Variants in CUX2 observed in about 807,000 individuals in gnomAD.
CUX2 encodes the protein cut like homeobox 2.
A neutral mutation model predicts 144.8 loss-of-function variants in CUX2; 40 were observed. The ratio of observed to expected loss-of-function variants is 0.28; its 90% CI spans 0.21 to 0.36. The LOEUF is 0.36. Ranked by LOEUF, CUX2 falls within the 10% of genes least tolerant of loss-of-function variation. The pLI is 1.00. For missense variants in CUX2, 1,615 were observed against 1,994.0 expected, an observed-to-expected ratio of 0.81 and a Z score of 3.62; for synonymous variants, 827 against 875.6, an observed-to-expected ratio of 0.94 and a Z score of 0.98.
chr12:111,315,158 T>G (rs1297733574), intron 16 of CUX2, among the ~76,000 whole-genome samples: 1 of 152,066 alleles, frequency 6.6e-6, no homozygotes, highest in Non-Finnish European at 1.5e-5. Context: ...AAAAAATGAA[T>G]GCTAAGCAGT....
At chr12:111,207,693 A>G (rs1302958677) in intron 1 of CUX2, among the ~76,000 whole-genome samples, 1 of 152,210 alleles carries the variant, frequency 6.6e-6, no homozygotes, top group Non-Finnish European at 1.5e-5. Flanking sequence ...AAATATTAGT[A>G]TATATGGTGT....
chr12:111,045,721 C>T (rs931690455), intron 1 of CUX2, among the ~76,000 whole-genome samples: 1 of 152,216 alleles, frequency 6.6e-6, no homozygotes, highest in East Asian at 1.9e-4. Flanking sequence ...CTTCAGACCC[C>T]GGTCTTGCCA....
At chr12:111,161,327 G>A (rs912550775) in intron 1 of CUX2, among the ~76,000 whole-genome samples, 2 of 152,174 alleles carry the variant, frequency 1.3e-5, no homozygotes, top group Admixed American at 6.5e-5. Flanking sequence ...GGATCATGAG[G>A]TTGGTTCCCC....
intron 16 of CUX2, among the ~76,000 whole-genome samples, chr12:111,317,465 C>T (rs1236582855): frequency 6.6e-6 from 1 of 152,088 alleles, no homozygotes; most frequent in Non-Finnish European, 1.5e-5. Context: ...CATTCGTTCA[C>T]TCATGTAAAT....
intron 18 of CUX2, among the ~76,000 whole-genome samples, chr12:111,333,034 C>A (rs1592979892): frequency 6.6e-6 from 1 of 152,190 alleles, no homozygotes; most frequent in Non-Finnish European, 1.5e-5. Context: ...ATGGTGGAAC[C>A]CCGTCTCTAC....
intron 1 of CUX2, among the ~76,000 whole-genome samples, chr12:111,199,248 C>T (rs552706931): frequency 2.5e-4 from 38 of 152,212 alleles, no homozygotes; most frequent in Admixed American, 1.8e-3. Flanking sequence ...CGGAGAGGCA[C>T]GCTGACTTGC....
chr12:111,098,838 A>G (rs1480834740), intron 1 of CUX2, among the ~76,000 whole-genome samples: 1 of 152,212 alleles, frequency 6.6e-6, no homozygotes, highest in Non-Finnish European at 1.5e-5. Flanking sequence ...CTGGGTATTC[A>G]TTTATTCATG....
intron 1 of CUX2, among the ~76,000 whole-genome samples, chr12:111,162,202 T>C (rs1052810250): frequency 1.3e-5 from 2 of 152,116 alleles, no homozygotes; most frequent in African/African-American, 4.8e-5. Context: ...CTCTCAGAGG[T>C]GAGAACTGCC....
intron 1 of CUX2, among the ~76,000 whole-genome samples, chr12:111,084,966 T>C (rs1392545995): frequency 6.6e-6 from 1 of 152,220 alleles, no homozygotes; most frequent in Admixed American, 6.5e-5. Context: ...ATCATTCTTT[T>C]ATTCTCTTGG....
intron 1 of CUX2, among the ~76,000 whole-genome samples, chr12:111,123,069 T>C (rs1874790972): frequency 6.6e-6 from 1 of 152,244 alleles, no homozygotes; most frequent in African/African-American, 2.4e-5. Flanking sequence ...CCAGGCCTGC[T>C]GGGCCCCAGG....
intron 4 of CUX2, chr12:111,270,426 GAT>G (rs1884582437): frequency 6.6e-6 from 1 of 151,994 alleles, no homozygotes; most frequent in African/African-American, 2.4e-5. Context: ...AAATCTTTTG[GAT>G]ATTGTTCACA....
At position 111,071,083 on chromosome 12, in the gene CUX2, G is replaced by GTT. The variant is rs774905040; in HGVS notation, c.63+36859_63+36860dup. On this transcript the variant is annotated intron_variant, in intron 1 of 21. Coordinates refer to ENST00000261726, the MANE Select transcript of CUX2 (RefSeq NM_015267.4). ...GGCTGCTGTAAACATCTTTCTCTAG[G>GTT]TTTTTTTTTTTTTTTTTGTGGACAT... 3.5e-3 allele frequency among the ~76,000 whole-genome samples: 466 copies of GTT among 134,202 alleles called. 7 individuals carry two copies. The highest frequency in any genetic ancestry group is 0.011 in the African/African-American group (416 of 36,844). The allele number at this position is 134,202 out of a possible 152,430, so 88.0% of individuals were successfully genotyped here.
At chr12:111,345,216 A>G (rs28403936) in intron 21 of CUX2, among the ~76,000 whole-genome samples, 54,605 of 150,898 alleles carry the variant, frequency 0.36, 11,906 homozygotes, top group East Asian at 0.79. Context: ...TTGGGAGGCC[A>G]AGGCAGGCAG....
chr12:111,214,920 C>T (rs1052882276), intron 2 of CUX2, among the ~76,000 whole-genome samples: 1 of 152,202 alleles, frequency 6.6e-6, no homozygotes, highest in Non-Finnish European at 1.5e-5. Context: ...TGTTATTTAC[C>T]GGCCCGGATG....
intron 18 of CUX2, among the ~76,000 whole-genome samples, chr12:111,329,493 G>T (rs113801952): frequency 3.9e-5 from 6 of 152,148 alleles, no homozygotes; most frequent in Admixed American, 1.3e-4. Flanking sequence ...AGTGGGATTG[G>T]GGGGTGGCTG....
At chr12:111,200,777 C>T (rs1307432364) in intron 1 of CUX2, among the ~76,000 whole-genome samples, 1 of 152,110 alleles carries the variant, frequency 6.6e-6, no homozygotes, top group Non-Finnish European at 1.5e-5. Context: ...TTTAGTTCGA[C>T]CTCTCATTCT....
chr12:111,082,789 G>A (rs1287507297), intron 1 of CUX2, among the ~76,000 whole-genome samples: 2 of 152,198 alleles, frequency 1.3e-5, no homozygotes, highest in Non-Finnish European at 2.9e-5. Context: ...ACACCCTGGG[G>A]GCCCTGAGCA....
chr12:111,229,406 T>A (rs1882347974), intron 3 of CUX2, among the ~76,000 whole-genome samples: 1 of 152,098 alleles, frequency 6.6e-6, no homozygotes, highest in Admixed American at 6.5e-5. Context: ...CAGTCAAACC[T>A]CCCAGATGCC....
At chr12:111,098,277 G>A (rs936856537) in intron 1 of CUX2, among the ~76,000 whole-genome samples, 1 of 152,146 alleles carries the variant, frequency 6.6e-6, no homozygotes, top group Non-Finnish European at 1.5e-5. Flanking sequence ...GTGCCTGCCT[G>A]TAATCCCAGC....
Sources: gnomAD v4.1 joint callset for allele counts (sites outside exome capture counted in the v4.1 genomes callset) on GRCh38, gnomAD v4.1.1 for gene constraint, MANE v1.5 for transcripts, NCBI Gene and HGNC (gene_info 2026-07-23, HGNC 2026-07-21) for gene names.